The following RNLS variants were observed in gnomAD, a reference collection of about 807,000 sequenced individuals.
The protein encoded by RNLS is renalase, FAD dependent amine oxidase.
Under a neutral mutation model 39.8 loss-of-function variants are expected in RNLS, and 39 were observed. The observed-to-expected ratio is 0.98, with a 90% CI of 0.76 to 1.28. The LOEUF is 1.28. Among genes scored for constraint, RNLS ranks in the 50% most tolerant of loss-of-function variants. The probability of loss-of-function intolerance (pLI) is 0.00; values close to 1 mark genes in which losing one functional copy is unlikely to be tolerated. For synonymous variants in RNLS, 147 were observed against 150.7 expected (o/e 0.98, Z 0.18); for missense variants, 410 against 413.3 (o/e 0.99, Z 0.07).
Position 88,314,494 on chromosome 10 carries a change from G to T in RNLS, c.848C>A (p.Thr283Asn). 6.2e-7 allele frequency: 1 copy of T among 1,613,662 alleles called. No homozygotes were observed. Among genetic ancestry groups the T allele is most frequent in the Non-Finnish European group, 8.5e-7 (1 of 1,179,760 alleles). Residue 283 changes from threonine (T) to asparagine (N), a missense_variant, in exon 6 of 7, where the codon ACC becomes AAC. By Grantham distance (65) the Thr-to-Asn change is moderately conservative. Coordinates refer to ENST00000331772, the MANE Select transcript of RNLS (RefSeq NM_001031709.3). ...TGAATGTCTCCATTTTTGGCATTTG[G>T]TAGCAATTGGCTGAGGCAAACCCGG... ...ILPGLPQPIA[T>N]KCQKWRHSQV...
intron 4 of RNLS, among the ~76,000 whole-genome samples, chr10:88,412,055 T>C (rs1274241335): frequency 6.6e-6 from 1 of 152,056 alleles, no homozygotes; most frequent in Non-Finnish European, 1.5e-5. Flanking sequence ...TGGATTCCAC[T>C]GATGAATTTT....
At chr10:88,210,619 T>C in the RNLS span, among the ~76,000 whole-genome samples, 3 of 152,176 alleles carry the variant, frequency 2.0e-5, no homozygotes, top group Admixed American at 6.6e-5. Flanking sequence ...AACATTTTAA[T>C]GTTTTTCTTT....
At chr10:88,474,903 T>G (rs940006020) in intron 4 of RNLS, among the ~76,000 whole-genome samples, 1 of 152,064 alleles carries the variant, frequency 6.6e-6, no homozygotes, top group Non-Finnish European at 1.5e-5. Flanking sequence ...GAAAAGCAGG[T>G]AGCAAAGAAA....
In RNLS at chr10:88,290,607, C is replaced by A. The variant is rs868753659; in HGVS notation, c.877-5101G>T. 2.4e-4 allele frequency among the ~76,000 whole-genome samples: 37 copies of A among 152,220 alleles called. No individual in the cohort carries two copies. In the Middle Eastern group the frequency reaches 0.014, roughly 56 times the overall value. On this transcript the variant is annotated intron_variant, in intron 6 of 6. Coordinates refer to ENST00000331772, the MANE Select transcript of RNLS (RefSeq NM_001031709.3). ...TTATTTTATACTTAATAGAAAAGTT[C>A]TTTCAGATTTATCTACATGTATCTT...
intron 4 of RNLS, among the ~76,000 whole-genome samples, chr10:88,498,531 T>C (rs958195685): frequency 6.8e-6 from 1 of 147,292 alleles, no homozygotes; most frequent in African/African-American, 2.5e-5. Flanking sequence ...TGGTGAAATT[T>C]GAATAAGGTC....
chr10:88,393,238 G>A (rs879466738), intron 4 of RNLS, among the ~76,000 whole-genome samples: 81 of 152,194 alleles, frequency 5.3e-4, no homozygotes, highest in Admixed American at 9.8e-4. Flanking sequence ...ATTAGGAAAA[G>A]AGGAAGTCAA....
intron 4 of RNLS, among the ~76,000 whole-genome samples, chr10:88,455,826 CACAAAACAAA>C (rs558591989): frequency 1.3e-5 from 2 of 152,072 alleles, no homozygotes; most frequent in African/African-American, 2.4e-5. Flanking sequence ...GGTTATTTCC[CACAAAACAAA>C]ACAAAACAAA....
intron 5 of RNLS, among the ~76,000 whole-genome samples, chr10:88,316,202 C>T (rs1268204637): frequency 2.0e-5 from 3 of 152,102 alleles, no homozygotes; most frequent in African/African-American, 7.2e-5. Context: ...AGTATTTTCA[C>T]CTCACAGTAG....
intron 4 of RNLS, among the ~76,000 whole-genome samples, chr10:88,544,584 A>G (rs963981242): frequency 6.6e-6 from 1 of 152,220 alleles, no homozygotes; most frequent in East Asian, 1.9e-4. Context: ...AATCTTTTCC[A>G]GAGTTCTCCC....
At chr10:88,202,915 C>G in the RNLS span, among the ~76,000 whole-genome samples, 2 of 151,926 alleles carry the variant, frequency 1.3e-5, no homozygotes, top group Non-Finnish European at 2.9e-5. Context: ...GGGGAAGGGG[C>G]AACTCACAGG....
intron 4 of RNLS, among the ~76,000 whole-genome samples, chr10:88,401,026 CAATAA>C (rs56189587): frequency 0.29 from 43,494 of 151,408 alleles, 6,803 homozygotes; most frequent in Non-Finnish European, 0.37. Flanking sequence ...CTTCAGAAAA[CAATAA>C]TTCAAATTGT....
chr10:88,314,977 C>A (rs1267998844), intron 5 of RNLS, among the ~76,000 whole-genome samples: 1 of 152,070 alleles, frequency 6.6e-6, no homozygotes, highest in Non-Finnish European at 1.5e-5. Context: ...GCTAGCTCTT[C>A]AGGGCAGGGT....
intron 4 of RNLS, among the ~76,000 whole-genome samples, chr10:88,494,007 T>G (rs1564845792): frequency 6.6e-6 from 1 of 152,168 alleles, no homozygotes; most frequent in Non-Finnish European, 1.5e-5. Context: ...TTTGTCATGA[T>G]ATGCATGCCA....
At chr10:88,545,941 A>C (rs1368335225) in intron 4 of RNLS, among the ~76,000 whole-genome samples, 2 of 152,144 alleles carry the variant, frequency 1.3e-5, no homozygotes. Flanking sequence ...ATTAGCTAAG[A>C]AAATCTGAGT....
At chr10:88,215,802 C>T in the RNLS span, among the ~76,000 whole-genome samples, 24 of 148,854 alleles carry the variant, frequency 1.6e-4, no homozygotes, top group Admixed American at 9.6e-4. Flanking sequence ...CTGGTTCAAG[C>T]GATTCTCCTG....
intron 4 of RNLS, among the ~76,000 whole-genome samples, chr10:88,542,169 G>A (rs930574083): frequency 2.0e-5 from 3 of 152,052 alleles, no homozygotes; most frequent in African/African-American, 7.2e-5. Flanking sequence ...GAATAATCCA[G>A]GCCCCTCTCT....
chr10:88,385,809 T>C (rs896079390), intron 4 of RNLS, among the ~76,000 whole-genome samples: 1 of 151,894 alleles, frequency 6.6e-6, no homozygotes, highest in African/African-American at 2.4e-5. Flanking sequence ...TGGTTGGGGG[T>C]AGGGGAGAAG....
intron 4 of RNLS, among the ~76,000 whole-genome samples, chr10:88,546,662 T>C (rs1261621485): frequency 6.6e-6 from 1 of 152,084 alleles, no homozygotes; most frequent in Non-Finnish European, 1.5e-5. Context: ...GTTGGCTTCG[T>C]GTGAGGGAAA....
At chr10:88,399,957 G>T (rs1852810444) in intron 4 of RNLS, among the ~76,000 whole-genome samples, 1 of 151,948 alleles carries the variant, frequency 6.6e-6, no homozygotes, top group African/African-American at 2.4e-5. Flanking sequence ...CCAGCTTCCG[G>T]TGGCTGTCAG....
Sources: gnomAD v4.1 joint callset for allele counts (sites outside exome capture counted in the v4.1 genomes callset) on GRCh38, gnomAD v4.1.1 for gene constraint, MANE v1.5 for transcripts, NCBI Gene and HGNC (gene_info 2026-07-23, HGNC 2026-07-21) for gene names.